ASB7: variants seen among roughly 807,000 people sequenced by gnomAD.
ASB7 encodes the protein ankyrin repeat and SOCS box protein 7.
A neutral mutation model predicts 32.5 loss-of-function variants in ASB7; 4 were observed. The observed-to-expected ratio is 0.12, with a 90% CI of 0.06 to 0.28. The LOEUF (loss-of-function observed/expected upper bound fraction) is 0.28, where lower values mean the gene tolerates loss of function less well. Among genes scored for constraint, ASB7 ranks in the 10% least tolerant of loss-of-function variants. The pLI is 1.00. For synonymous variants in ASB7, 172 were observed against 155.6 expected (o/e 1.11, Z -0.78); for missense variants, 181 against 407.1 (o/e 0.44, Z 4.78).
At chr15:100,622,255 A>G (rs1206201864) in intron 4 of ASB7, among the ~76,000 whole-genome samples, 2 of 152,110 alleles carry the variant, frequency 1.3e-5, no homozygotes, top group African/African-American at 2.4e-5. Flanking sequence ...AACCAAGAAG[A>G]TGAGAGATCT....
At chr15:100,612,936 A>G (rs1456156332) in intron 4 of ASB7, among the ~76,000 whole-genome samples, 3 of 152,218 alleles carry the variant, frequency 2.0e-5, no homozygotes, top group Non-Finnish European at 2.9e-5. Context: ...TAGGTATACT[A>G]TAAGAAGATT....
chr15:100,606,662 A>T (rs1251212026), intron 2 of ASB7, among the ~76,000 whole-genome samples: 4 of 152,200 alleles, frequency 2.6e-5, no homozygotes, highest in Non-Finnish European at 5.9e-5. Flanking sequence ...GTAGTTTTTA[A>T]TATGGTCAAT....
intron 5 of ASB7, among the ~76,000 whole-genome samples, chr15:100,633,223 A>G (rs914852489): frequency 1.3e-5 from 2 of 152,044 alleles, no homozygotes; most frequent in African/African-American, 2.4e-5. Flanking sequence ...AAAAAAAAAA[A>G]AAGAATGGAA....
At chr15:100,611,819 C>CTTTTTTTTTTTTTTTTTTTGTT (rs11350952) in intron 3 of ASB7, among the ~76,000 whole-genome samples, 1 of 112,906 alleles carries the variant, frequency 8.9e-6, no homozygotes, top group Non-Finnish European at 1.8e-5. Context: ...TATATTGCTA[C>CTTTTTTTTTTTTTTTTTTTGTT]TTTTTTTTTT....
Position 100,633,097 on chromosome 15 carries a change from G to A in ASB7, c.817+3055G>A, listed in dbSNP as rs575320813. ...GCCCAGGAATGATAAACACAGCTAA[G>A]AGGAGCCATAGCACCTGCCTGAATA... is the stretch of plus-strand genomic sequence containing the variant. On this transcript the variant is annotated intron_variant, in intron 5 of 5. Coordinates refer to ENST00000332783, the MANE Select transcript of ASB7 (RefSeq NM_198243.3). 2.6e-3 allele frequency among the ~76,000 whole-genome samples: 391 copies of A among 151,850 alleles called. 1 individual carries two copies. The highest frequency in any genetic ancestry group is 8.9e-3 in the African/African-American group (369 of 41,378).
chr15:100,605,129 C>G (rs926888103), intron 2 of ASB7, among the ~76,000 whole-genome samples: 2 of 152,166 alleles, frequency 1.3e-5, no homozygotes, highest in Non-Finnish European at 2.9e-5. Context: ...CATGGATCAT[C>G]TCATTTTTTA....
chr15:100,613,680 A>T (rs1043013504), intron 4 of ASB7, among the ~76,000 whole-genome samples: 2 of 152,230 alleles, frequency 1.3e-5, no homozygotes, highest in Admixed American at 1.3e-4. Flanking sequence ...GCTTCATAAC[A>T]TTAAGACCAA....
At chr15:100,636,001 G>T (rs1315107115) in intron 5 of ASB7, among the ~76,000 whole-genome samples, 4 of 152,196 alleles carry the variant, frequency 2.6e-5, no homozygotes, top group Non-Finnish European at 5.9e-5. Context: ...TTGAGGACTT[G>T]GTGGGGTTCC....
chr15:100,610,609 AGG>A (rs1298902123), intron 3 of ASB7, among the ~76,000 whole-genome samples: 43 of 152,258 alleles, frequency 2.8e-4, no homozygotes, highest in Admixed American at 1.2e-3. Flanking sequence ...ACTTAGGAGT[AGG>A]TAATGACACC....
chr15:100,612,570 A>C, intron 4 of ASB7, 143 bp downstream of exon 4: 1 of 795,674 alleles, frequency 1.3e-6, no homozygotes, highest in Non-Finnish European at 2.0e-6. Flanking sequence ...AAGATTTGCT[A>C]TAAGTGTGCC....
At chr15:100,608,686 C>T (rs939883156) in intron 2 of ASB7, among the ~76,000 whole-genome samples, 7 of 152,108 alleles carry the variant, frequency 4.6e-5, no homozygotes, top group Admixed American at 2.6e-4. Flanking sequence ...CTGATCTCGT[C>T]GGCCTCATTT....
chr15:100,631,762 C>T (rs1425124459), intron 5 of ASB7, among the ~76,000 whole-genome samples: 1 of 152,160 alleles, frequency 6.6e-6, no homozygotes, highest in African/African-American at 2.4e-5. Context: ...TAAGATAATA[C>T]AGGCTTGTTA....
At chr15:100,630,068 T>A (rs2039872338) in intron 5 of ASB7, 26 bp downstream of exon 5, 1 of 1,522,702 alleles carries the variant, frequency 6.6e-7, no homozygotes, top group African/African-American at 1.4e-5. Flanking sequence ...ATTACTTTAT[T>A]GCATTTTTTA....
chr15:100,630,187 A>G (rs557910637), intron 5 of ASB7, 145 bp downstream of exon 5: 1 of 1,355,334 alleles, frequency 7.4e-7, no homozygotes, highest in African/African-American at 1.5e-5. Flanking sequence ...TTCTTCTGAA[A>G]TAAAAAAAAA....
At chr15:100,620,293 G>A (rs1234012908) in intron 4 of ASB7, among the ~76,000 whole-genome samples, 1 of 152,168 alleles carries the variant, frequency 6.6e-6, no homozygotes, top group Non-Finnish European at 1.5e-5. Flanking sequence ...TTTTAAAAAT[G>A]TATTGTTGTA....
rs559438423 is a variant in ASB7 at position 100,603,292 on chromosome 15, C to T, written c.-195C>T. ...CAGAGAAGCAGAAGGCACAGTGCCT[C>T]TGACCAGCATCGTCTGTAAAGGTAA... On this transcript the variant is annotated 5_prime_UTR_variant, in exon 2 of 6. Coordinates refer to ENST00000332783, the MANE Select transcript of ASB7 (RefSeq NM_198243.3). 84 of 310,102 alleles carry T rather than the reference C, an allele frequency of 2.7e-4. 2 individuals are homozygous for T. The South Asian group carries it at 0.013, about 47-fold the overall frequency. The allele number at this position is 310,102 out of a possible 1,614,324, so 19.2% of individuals were successfully genotyped here.
intron 4 of ASB7, among the ~76,000 whole-genome samples, chr15:100,617,903 A>T (rs1324351911): frequency 6.6e-6 from 1 of 152,130 alleles, no homozygotes; most frequent in Non-Finnish European, 1.5e-5. Context: ...TTTATCAAAA[A>T]ATACTGGAAA....
chr15:100,636,337 A>T (rs1009773632), intron 5 of ASB7, among the ~76,000 whole-genome samples: 1 of 152,162 alleles, frequency 6.6e-6, no homozygotes, highest in Non-Finnish European at 1.5e-5. Flanking sequence ...AGCTCTTTAC[A>T]TGTTGGAACT....
intron 4 of ASB7, among the ~76,000 whole-genome samples, chr15:100,619,564 G>A (rs1188366975): frequency 6.6e-6 from 1 of 152,244 alleles, no homozygotes; most frequent in Non-Finnish European, 1.5e-5. Flanking sequence ...TAAAGGAGCA[G>A]GAGGGAAGCT....
Sources: allele counts gnomAD v4.1 joint callset (sites outside exome capture counted in the v4.1 genomes callset), GRCh38; gene constraint gnomAD v4.1.1; transcripts MANE v1.5; gene names NCBI Gene and HGNC (gene_info 2026-07-23, HGNC 2026-07-21).